Variants in CUBN observed in about 807,000 individuals in gnomAD.
The protein encoded by CUBN is 460 kDa receptor.
Under a neutral mutation model 405.3 loss-of-function variants are expected in CUBN, and 282 were observed. That is an observed-to-expected ratio of 0.70 (90% CI 0.63 to 0.77). The LOEUF is 0.77. Among genes scored for constraint, CUBN ranks in the 30% least tolerant of loss-of-function variants. The pLI, the probability that CUBN is intolerant of heterozygous loss-of-function variation, is 0.00. For synonymous variants in CUBN, 1,684 were observed against 1,617.0 expected, an observed-to-expected ratio of 1.04 and a Z score of -0.99; for missense variants, 4,514 against 4,475.2, an observed-to-expected ratio of 1.01 and a Z score of -0.25.
intron 56 of CUBN, among the ~76,000 whole-genome samples, chr10:16,879,874 T>C (rs1840618670): frequency 1.3e-5 from 2 of 152,302 alleles, no homozygotes; most frequent in African/African-American, 4.8e-5. Context: ...AAATTGACTC[T>C]TGCAAGATGG....
At chr10:16,927,239 G>T (rs1385234784) in intron 41 of CUBN, among the ~76,000 whole-genome samples, 1 of 152,040 alleles carries the variant, frequency 6.6e-6, no homozygotes, top group Non-Finnish European at 1.5e-5. Context: ...GAGAGGGCAG[G>T]AGATAAAGGA....
intron 36 of CUBN, among the ~76,000 whole-genome samples, chr10:16,945,681 T>C (rs1415955287): frequency 7.0e-6 from 1 of 143,548 alleles, no homozygotes; most frequent in South Asian, 2.1e-4. Context: ...GGCAGGAGAA[T>C]AGCTTAAACC....
At chr10:16,875,213 C>G (rs1469315335) in intron 57 of CUBN, among the ~76,000 whole-genome samples, 1 of 151,982 alleles carries the variant, frequency 6.6e-6, no homozygotes, top group Non-Finnish European at 1.5e-5. Flanking sequence ...TGAGCTAGAT[C>G]CATTAGTCAA....
chr10:17,115,940 A>T (rs544934398), intron 6 of CUBN, among the ~76,000 whole-genome samples: 40 of 152,348 alleles, frequency 2.6e-4, no homozygotes, highest in African/African-American at 8.9e-4. Context: ...AAAGGGAGAG[A>T]TCAGCAAATC....
intron 40 of CUBN, among the ~76,000 whole-genome samples, chr10:16,931,583 A>G (rs1842366870): frequency 6.6e-6 from 1 of 152,238 alleles, no homozygotes; most frequent in African/African-American, 2.4e-5. Context: ...ATTTCCATCT[A>G]AGTAAACTGA....
chr10:16,918,824 T>A lies in CUBN; in HGVS notation c.6822-24A>T, dbSNP rs543572105. On this transcript the variant is annotated intron_variant, in intron 44 of 66. Coordinates refer to ENST00000377833, the MANE Select transcript of CUBN (RefSeq NM_001081.4). ...AGCTGAAGTGGGAACAAAATTCTGT[T>A]AAATTTACATGGTCAGATGCTTATT... 531 of 1,604,462 alleles carry A rather than the reference T, an allele frequency of 3.3e-4. 3 individuals are homozygous for A. In the South Asian group the frequency reaches 5.7e-3, roughly 17 times the overall value.
At chr10:16,937,881 T>A in intron 38 of CUBN, 97 bp from the exon 39 acceptor site, 1 of 1,134,954 alleles carries the variant, frequency 8.8e-7, no homozygotes, top group Admixed American at 2.4e-5. Flanking sequence ...TACAATGTTA[T>A]CATAACAAAA....
intron 54 of CUBN, among the ~76,000 whole-genome samples, chr10:16,898,066 G>GTATATAGATATA (rs1554789719): frequency 9.0e-5 from 13 of 145,028 alleles, no homozygotes; most frequent in African/African-American, 3.3e-4. Context: ...TTTATTATAT[G>GTATATAGATATA]TATATATATA....
chr10:16,861,324 G>C lies in CUBN; in HGVS notation c.9454+8312C>G, dbSNP rs528264192. On this transcript the variant is annotated intron_variant, in intron 59 of 66. Transcript: ENST00000377833. ...CTACAGGTGTGTGCCACCAAGCCTA[G>C]CTAATTTTTGTATTCTTTGGTAGAG... is the stretch of plus-strand genomic sequence containing the variant. Among the ~76,000 whole-genome samples the C allele has an allele frequency of 3.9e-5, 6 of 152,168 alleles. No individual in the cohort carries two copies. The East Asian group carries it at 7.7e-4, about 20-fold the overall frequency.
chr10:17,099,704 T>C (rs1255602718), intron 14 of CUBN, among the ~76,000 whole-genome samples: 7 of 151,848 alleles, frequency 4.6e-5, no homozygotes, highest in Non-Finnish European at 8.8e-5. Context: ...CACAAAACAT[T>C]AGCCTGGAGT....
chr10:16,952,266 T>TGTTACTTA lies in CUBN; in HGVS notation c.4969+2_4969+9dup. ...CTGTGTGCCTTTTCTTTTTCATTTT[T>TGTTACTTA]GTTACTTACATGGAGGTTGCGCTTG... On this transcript the variant is annotated intron_variant, in intron 33 of 66. Coordinates refer to ENST00000377833, the MANE Select transcript of CUBN (RefSeq NM_001081.4). 1 of 1,595,702 alleles carries TGTTACTTA rather than the reference T, an allele frequency of 6.3e-7. No individual in the cohort carries two copies. Among genetic ancestry groups the TGTTACTTA allele is most frequent in the South Asian group, 1.1e-5 (1 of 90,664 alleles).
intron 38 of CUBN, among the ~76,000 whole-genome samples, chr10:16,938,039 T>C (rs2131603306): frequency 6.6e-6 from 1 of 152,288 alleles, no homozygotes; most frequent in East Asian, 1.9e-4. Flanking sequence ...TGGGAATCAC[T>C]CATAAGATGA....
chr10:17,045,719 C>A (rs1387548473), intron 24 of CUBN, among the ~76,000 whole-genome samples: 1 of 152,120 alleles, frequency 6.6e-6, no homozygotes, highest in Non-Finnish European at 1.5e-5. Context: ...CTTATTCTAA[C>A]CAGGATTCTT....
rs985248869 is a variant in CUBN at position 16,972,910 on chromosome 10, CT to C, written c.4695+9573del. 1.1e-4 allele frequency among the ~76,000 whole-genome samples: 17 copies of C among 152,200 alleles called. 5 individuals carry two copies. The highest frequency in any genetic ancestry group is 2.0e-4 in the Admixed American group (3 of 15,290). Reference sequence around the variant, plus strand: ...GAGACCTTATCACCTCTGATCCAAGCTTTTTCCATTGCTTCCCAAACAGACA... The same window carrying C: ...GAGACCTTATCACCTCTGATCCAAGCTTTTCCATTGCTTCCCAAACAGACA... On this transcript the variant is annotated intron_variant, in intron 31 of 66. Transcript: ENST00000377833.
chr10:16,951,771 A>G (rs909806625), intron 33 of CUBN, among the ~76,000 whole-genome samples: 4 of 152,224 alleles, frequency 2.6e-5, no homozygotes, highest in African/African-American at 9.6e-5. Context: ...AGGAGAGCCC[A>G]GGTTTTATGA....
At chr10:17,080,769 C>T (rs2131859176) in intron 17 of CUBN, among the ~76,000 whole-genome samples, 1 of 152,352 alleles carries the variant, frequency 6.6e-6, no homozygotes, top group African/African-American at 2.4e-5. Flanking sequence ...ATGTGTCCTT[C>T]ACTCAGAGTT....
At position 17,088,359 on chromosome 10, in the gene CUBN, G is replaced by A. The variant is rs766598919; in HGVS notation, c.1766-14C>T. On this transcript the variant is annotated splice_polypyrimidine_tract_variant and intron_variant, in intron 14 of 66. Transcript: ENST00000377833. ...TACCTCCACACTCTAAAATAAGAGG[G>A]AAAAATAATGTTACATTTGTATAGA... The A allele has an allele frequency of 5.0e-5, 80 of 1,594,856 alleles. No individual in the cohort carries two copies. Among genetic ancestry groups the A allele is most frequent in the Middle Eastern group, 3.3e-4 (2 of 6,032 alleles).
intron 31 of CUBN, among the ~76,000 whole-genome samples, chr10:16,976,679 G>C (rs3012501): frequency 0.73 from 110,483 of 151,948 alleles, 40,773 homozygotes; most frequent in Non-Finnish European, 0.8. Context: ...CTCCAATTAA[G>C]TGTGTGTTAT....
At position 17,127,078 on chromosome 10, in the gene CUBN, A is replaced by G. The variant is rs7921488; in HGVS notation, c.349-279T>C. Among the ~76,000 whole-genome samples, 136,354 of 151,996 alleles carry G rather than the reference A, an allele frequency of 0.9. 62,124 individuals are homozygous for G. The highest frequency in any genetic ancestry group is 1 in the Non-Finnish European group (67,828 of 68,026). ...GCTTCTCTGTAGGCAGTGACTATGG[A>G]AATGTTCATAAATGTCAGTGATGCA... On this transcript the variant is annotated intron_variant, in intron 3 of 66. Transcript: ENST00000377833.
Sources: gnomAD v4.1 joint callset for allele counts (sites outside exome capture counted in the v4.1 genomes callset) on GRCh38, gnomAD v4.1.1 for gene constraint, MANE v1.5 for transcripts, NCBI Gene and HGNC (gene_info 2026-07-23, HGNC 2026-07-21) for gene names.